PLXNA4: variants seen among roughly 807,000 people sequenced by gnomAD.
PLXNA4 encodes plexin-A4.
PLXNA4 carries 44 observed loss-of-function variants against 191.8 expected under a neutral mutation model. The observed-to-expected ratio is 0.23, with a 90% CI of 0.18 to 0.29. The LOEUF (loss-of-function observed/expected upper bound fraction) is 0.29, where lower values mean the gene tolerates loss of function less well. Ranked by LOEUF, PLXNA4 falls within the 10% of genes least tolerant of loss-of-function variation. The probability of loss-of-function intolerance (pLI) is 1.00; values close to 1 mark genes in which losing one functional copy is unlikely to be tolerated. For missense variants in PLXNA4, 1,800 were observed against 2,488.8 expected, an observed-to-expected ratio of 0.72 and a Z score of 5.89; for synonymous variants, 1,082 against 1,009.5, an observed-to-expected ratio of 1.07 and a Z score of -1.36.
intron 9 of PLXNA4, among the ~76,000 whole-genome samples, chr7:132,219,340 CT>C (rs1294324465): frequency 2.0e-5 from 3 of 152,328 alleles, no homozygotes; most frequent in East Asian, 1.9e-4. Flanking sequence ...GCCAGCCCCC[CT>C]GACCACTTTT....
rs1250337999 is a variant in PLXNA4, at chr7:132,178,707, TACACATAC to T, written c.3874+972_3874+979del. On this transcript the variant is annotated intron_variant, in intron 20 of 31. Coordinates refer to ENST00000321063, the MANE Select transcript of PLXNA4 (RefSeq NM_020911.2). ...TGCTTGTAAATGAAACACATACACA[TACACATAC>T]ACACACACACACACACTTGTAAATG... 1.3e-4 allele frequency among the ~76,000 whole-genome samples: 9 copies of T among 68,474 alleles called. 1 individual carries two copies. The highest frequency in any genetic ancestry group is 6.8e-4 in the African/African-American group (6 of 8,760). 44.9% of individuals were successfully genotyped at this position (68,474 alleles called of 152,430 possible).
chr7:132,493,968 T>A (rs1355462647), intron 2 of PLXNA4, among the ~76,000 whole-genome samples: 1 of 152,180 alleles, frequency 6.6e-6, no homozygotes, highest in Non-Finnish European at 1.5e-5. Flanking sequence ...ATGGGGATTA[T>A]TACAATAGTA....
At chr7:132,558,395 C>T (rs1800892439) in intron 1 of PLXNA4, among the ~76,000 whole-genome samples, 1 of 152,164 alleles carries the variant, frequency 6.6e-6, no homozygotes, top group Non-Finnish European at 1.5e-5. Flanking sequence ...AAATGAGCAT[C>T]ATCAAATTAA....
intron 2 of PLXNA4, among the ~76,000 whole-genome samples, chr7:132,599,257 C>T (rs1802773104): frequency 6.6e-6 from 1 of 152,174 alleles, no homozygotes; most frequent in Non-Finnish European, 1.5e-5. Context: ...AGAGTAGATG[C>T]ATTGAGCTCT....
intron 2 of PLXNA4, among the ~76,000 whole-genome samples, chr7:132,493,398 G>A (rs1797880176): frequency 6.6e-6 from 1 of 152,178 alleles, no homozygotes; most frequent in Non-Finnish European, 1.5e-5. Context: ...ACAAGGAAAG[G>A]AAATAAGCAC....
chr7:132,181,656 A>G, intron 17 of PLXNA4, 36 bp from the exon 18 acceptor site: 1 of 1,608,702 alleles, frequency 6.2e-7, no homozygotes, highest in East Asian at 2.2e-5. Context: ...TCTATGCAGT[A>G]TCTCCACATA....
intron 4 of PLXNA4, among the ~76,000 whole-genome samples, chr7:132,249,637 A>G (rs548099431): frequency 6.6e-6 from 1 of 152,230 alleles, no homozygotes; most frequent in Non-Finnish European, 1.5e-5. Flanking sequence ...CATAGCCCAG[A>G]GGGGCTGAGC....
chr7:132,278,235 T>C (rs1584936797), intron 4 of PLXNA4, among the ~76,000 whole-genome samples: 1 of 152,298 alleles, frequency 6.6e-6, no homozygotes, highest in South Asian at 2.1e-4. Flanking sequence ...GTGCAAGATA[T>C]GGCACAGACA....
At chr7:132,227,683 G>A in intron 6 of PLXNA4, 79 bp from the exon 7 acceptor site, 1 of 1,565,134 alleles carries the variant, frequency 6.4e-7, no homozygotes, top group Non-Finnish European at 8.7e-7. Context: ...AAAAGAAAGT[G>A]GGAGAGTGAG....
At chr7:132,627,532 G>A (rs1333149855) in intron 2 of PLXNA4, among the ~76,000 whole-genome samples, 1 of 152,072 alleles carries the variant, frequency 6.6e-6, no homozygotes, top group Admixed American at 6.5e-5. Flanking sequence ...GAATGTATAT[G>A]TCCCACACAC....
At chr7:132,430,951 G>A (rs1373590279) in intron 3 of PLXNA4, among the ~76,000 whole-genome samples, 1 of 152,196 alleles carries the variant, frequency 6.6e-6, no homozygotes, top group Non-Finnish European at 1.5e-5. Flanking sequence ...AGCGGGAGGA[G>A]GTGGGACTTG....
intron 3 of PLXNA4, among the ~76,000 whole-genome samples, chr7:132,480,002 T>C (rs573687822): frequency 1.8e-4 from 28 of 152,270 alleles, no homozygotes; most frequent in Admixed American, 8.5e-4. Context: ...TAAAGAACTA[T>C]GTACACTTCT....
chr7:132,424,639 A>T (rs1361544962), intron 3 of PLXNA4, among the ~76,000 whole-genome samples: 3 of 151,946 alleles, frequency 2.0e-5, no homozygotes, highest in Admixed American at 6.5e-5. Flanking sequence ...TCCCCTTTCC[A>T]TTCCATTTGT....
At chr7:132,321,079 A>C (rs1056424177) in intron 3 of PLXNA4, among the ~76,000 whole-genome samples, 6 of 151,102 alleles carry the variant, frequency 4.0e-5, no homozygotes, top group Admixed American at 3.3e-4. Context: ...CTGGCTCCAC[A>C]CTCACCGGCC....
At chr7:132,228,255 C>T in intron 6 of PLXNA4, 91 bp downstream of exon 6, 1 of 1,560,082 alleles carries the variant, frequency 6.4e-7, no homozygotes, top group East Asian at 2.3e-5. Context: ...TGGCCCAGTC[C>T]TCCAGAGGGG....
chr7:132,648,462 A>T (rs547105869), intron 1 of PLXNA4: 1 of 152,232 alleles, frequency 6.6e-6, no homozygotes, highest in Non-Finnish European at 1.5e-5. Flanking sequence ...AATGCTGCTC[A>T]GTATCCCCAG....
intron 9 of PLXNA4, among the ~76,000 whole-genome samples, chr7:132,216,368 T>C (rs986897948): frequency 2.0e-5 from 3 of 152,202 alleles, no homozygotes; most frequent in Non-Finnish European, 4.4e-5. Context: ...CCTGCAAAAC[T>C]AGCTCAAAAT....
intron 3 of PLXNA4, among the ~76,000 whole-genome samples, chr7:132,485,466 T>C (rs1797519121): frequency 6.6e-6 from 1 of 152,030 alleles, no homozygotes; most frequent in Non-Finnish European, 1.5e-5. Context: ...GATCGCTTAG[T>C]GAAAGGAAAG....
In PLXNA4 at chr7:132,125,603, G is replaced by GTT. The variant is rs1794746747; in HGVS notation, c.*4874_*4875dup. ...CAAAATCCCAAATAAATGGCCCACA[G>GTT]TTTTGTTTTGTTTTGTTTTTTTTAA... On this transcript the variant is annotated 3_prime_UTR_variant, in exon 32 of 32. Coordinates refer to ENST00000321063, the MANE Select transcript of PLXNA4 (RefSeq NM_020911.2). 1 of 152,002 alleles carries GTT rather than the reference G, an allele frequency of 6.6e-6. No homozygotes were observed. Among genetic ancestry groups the GTT allele is most frequent in the Non-Finnish European group, 1.5e-5 (1 of 67,990 alleles). 9.4% of individuals were successfully genotyped at this position (152,002 alleles called of 1,614,324 possible).
Sources: allele counts gnomAD v4.1 joint callset (sites outside exome capture counted in the v4.1 genomes callset), GRCh38; gene constraint gnomAD v4.1.1; transcripts MANE v1.5; gene names NCBI Gene and HGNC (gene_info 2026-07-23, HGNC 2026-07-21).